CACNA1B: variants seen among roughly 807,000 people sequenced by gnomAD.
CACNA1B encodes calcium voltage-gated channel subunit alpha1 B.
Under a neutral mutation model 247.2 loss-of-function variants are expected in CACNA1B, and 70 were observed. The observed-to-expected ratio is 0.28, with a 90% confidence interval of 0.23 to 0.35. The LOEUF is 0.35. Ranked by LOEUF, CACNA1B falls within the 10% of genes least tolerant of loss-of-function variation. The probability of loss-of-function intolerance (pLI) is 1.00; values close to 1 mark genes in which losing one functional copy is unlikely to be tolerated. For synonymous variants in CACNA1B, 1,231 were observed against 1,294.4 expected, an observed-to-expected ratio of 0.95 and a Z score of 1.05; for missense variants, 2,367 against 3,197.4, an observed-to-expected ratio of 0.74 and a Z score of 6.26.
intron 23 of CACNA1B, among the ~76,000 whole-genome samples, chr9:138,048,914 C>T (rs1240748049): frequency 2.0e-5 from 3 of 152,198 alleles, no homozygotes; most frequent in Non-Finnish European, 2.9e-5. Flanking sequence ...GATGGGGTTT[C>T]ACCTTGTTGT....
Position 137,986,107 on chromosome 9 carries a change from G to C in CACNA1B, c.1770-306G>C, listed in dbSNP as rs930095771. Among the ~76,000 whole-genome samples the C allele has an allele frequency of 6.6e-6, 1 of 152,174 alleles. No individual in the cohort carries two copies. Among genetic ancestry groups the C allele is most frequent in the Non-Finnish European group, 1.5e-5 (1 of 68,022 alleles). ...GGGGCAGGGAGGGGCCGAGGATGAA[G>C]TTTGGGATTGGGCCTGGCCACCTGG... On this transcript the variant is annotated intron_variant, in intron 13 of 46. Coordinates refer to ENST00000371372, the MANE Select transcript of CACNA1B (RefSeq NM_000718.4). The surrounding 1 kb of genome is among the most constrained non-coding windows in gnomAD (Gnocchi z 6.0).
At position 138,059,820 on chromosome 9, in the gene CACNA1B, C is replaced by T. The variant is rs1046910944; in HGVS notation, c.4668+83C>T. Reference sequence around the variant, plus strand: ...GCTCCCCTCAGTGCATCTCCAGGCCCTGTGTTAGCCTCTTCCTGGGTTCCG... The same window carrying T: ...GCTCCCCTCAGTGCATCTCCAGGCCTTGTGTTAGCCTCTTCCTGGGTTCCG... On this transcript the variant is annotated intron_variant, in intron 31 of 46. Coordinates refer to ENST00000371372, the MANE Select transcript of CACNA1B (RefSeq NM_000718.4). The surrounding 1 kb of genome is among the most constrained non-coding windows in gnomAD (Gnocchi z 4.2). 2.5e-6 allele frequency: 2 copies of T among 791,908 alleles called. No individual in the cohort carries two copies. 49.1% of individuals were successfully genotyped at this position (791,908 alleles called of 1,614,324 possible).
chr9:137,956,515 G>A (rs1420270375), intron 8 of CACNA1B, among the ~76,000 whole-genome samples: 1 of 152,120 alleles, frequency 6.6e-6, no homozygotes, highest in African/African-American at 2.4e-5. Context: ...AAAATTAGCC[G>A]GGCATGGTAG....
At chr9:137,945,670 A>G (rs1450631323) in intron 6 of CACNA1B, among the ~76,000 whole-genome samples, 4 of 152,222 alleles carry the variant, frequency 2.6e-5, no homozygotes, top group Non-Finnish European at 4.4e-5. Flanking sequence ...TTTTTCCTAT[A>G]CCACTTAAAA....
rs150496046 is a variant in CACNA1B at position 137,954,856 on chromosome 9, T to TTGTGTGTGTGTGTGTGTGTG, written c.1071-837_1071-818dup. ...ACACCCACTCCACCAACTCAGAAGCTTGTGTGTGTGTGTGTGTGTGTGTGA... is the reference window on the plus strand; with the variant it reads ...ACACCCACTCCACCAACTCAGAAGCTTGTGTGTGTGTGTGTGTGTGTGTGTGTGTGTGTGTGTGTGTGTGA... On this transcript the variant is annotated intron_variant, in intron 7 of 46. Coordinates refer to ENST00000371372, the MANE Select transcript of CACNA1B (RefSeq NM_000718.4). The surrounding 1 kb of genome is among the most constrained non-coding windows in gnomAD (Gnocchi z 4.1). 0.025 allele frequency among the ~76,000 whole-genome samples: 3,024 copies of TTGTGTGTGTGTGTGTGTGTG among 120,202 alleles called. 112 individuals carry two copies. Among genetic ancestry groups the TTGTGTGTGTGTGTGTGTGTG allele is most frequent in the African/African-American group, 0.087 (2,169 of 24,900 alleles). 78.9% of individuals were successfully genotyped at this position (120,202 alleles called of 152,430 possible). A position where few individuals can be genotyped will look rare whatever the true frequency, so the allele number is the denominator to read the frequency against.
intron 6 of CACNA1B, among the ~76,000 whole-genome samples, chr9:137,943,962 C>G (rs902318287): frequency 6.6e-6 from 1 of 152,300 alleles, no homozygotes; most frequent in Non-Finnish European, 1.5e-5. Context: ...CAGTGGAATA[C>G]TGAGTTGGTC....
intron 12 of CACNA1B, among the ~76,000 whole-genome samples, chr9:137,976,790 T>A (rs1367113326): frequency 8.4e-6 from 1 of 119,700 alleles, no homozygotes; most frequent in Admixed American, 7.9e-5. Context: ...GTCTGAGAAT[T>A]ACCAACTTAT....
rs117354681 is a variant in CACNA1B, at chr9:137,892,526, C to T, written c.530+9643C>T. 97 of 371,622 alleles carry T rather than the reference C, an allele frequency of 2.6e-4. No individual in the cohort carries two copies. In the East Asian group the frequency reaches 6.4e-3, roughly 24 times the overall value. 23.0% of individuals were successfully genotyped at this position (371,622 alleles called of 1,614,324 possible). A position where few individuals can be genotyped will look rare whatever the true frequency, so the allele number is the denominator to read the frequency against. ...TCCTCTGACTGTGGGTCCTTTCTCA[C>T]GCTTCTCTGTCATCAGCCTCTGGGC... is the stretch of plus-strand genomic sequence containing the variant. On this transcript the variant is annotated intron_variant, in intron 3 of 46. Transcript: ENST00000371372.
chr9:137,923,745 C>G (rs1222929974), intron 6 of CACNA1B, among the ~76,000 whole-genome samples: 1 of 152,216 alleles, frequency 6.6e-6, no homozygotes, highest in Non-Finnish European at 1.5e-5. Flanking sequence ...GGGCTACACT[C>G]TTTTACATTT....
intron 6 of CACNA1B, among the ~76,000 whole-genome samples, chr9:137,933,682 T>G (rs1466444069): frequency 1.3e-5 from 2 of 152,220 alleles, no homozygotes; most frequent in African/African-American, 4.8e-5. Context: ...GCAGTATATT[T>G]AGATGATGAT....
At chr9:137,930,637 C>T (rs557981449) in intron 6 of CACNA1B, among the ~76,000 whole-genome samples, 2 of 152,214 alleles carry the variant, frequency 1.3e-5, no homozygotes, top group Admixed American at 6.5e-5. Context: ...TCTTTTATAT[C>T]CTTGCTGGTT....
intron 21 of CACNA1B, among the ~76,000 whole-genome samples, chr9:138,045,313 C>T (rs374633686): frequency 2.1e-4 from 32 of 152,130 alleles, no homozygotes; most frequent in African/African-American, 7.2e-4. Context: ...ACTCGGATTG[C>T]AGCCCAGCAG....
At chr9:137,902,764 AC>A (rs902313900) in intron 3 of CACNA1B, among the ~76,000 whole-genome samples, 4 of 151,744 alleles carry the variant, frequency 2.6e-5, no homozygotes, top group Admixed American at 6.6e-5. Context: ...TACTGCGGGC[AC>A]CCCCCTCCTG....
chr9:138,119,137 A>G (rs1335179958), intron 44 of CACNA1B, among the ~76,000 whole-genome samples: 2 of 151,838 alleles, frequency 1.3e-5, no homozygotes, highest in Non-Finnish European at 1.5e-5. Context: ...CCCCACTCTC[A>G]TCCAGAAAAT....
chr9:137,990,054 A>G lies in CACNA1B; in HGVS notation c.1974+3200A>G, dbSNP rs987529544. Among the ~76,000 whole-genome samples the G allele has an allele frequency of 2.0e-5, 3 of 152,108 alleles. No individual in the cohort carries two copies. The highest frequency in any genetic ancestry group is 7.2e-5 in the African/African-American group (3 of 41,418). On this transcript the variant is annotated intron_variant, in intron 15 of 46. Coordinates refer to ENST00000371372, the MANE Select transcript of CACNA1B (RefSeq NM_000718.4). The surrounding 1 kb of genome is among the most constrained non-coding windows in gnomAD (Gnocchi z 4.5). ...CACGGGAAGTTCTTGGAACTACCACAGGCAAGTTCTCAGCCCTGGGCACTG... is the reference window on the plus strand; with the variant it reads ...CACGGGAAGTTCTTGGAACTACCACGGGCAAGTTCTCAGCCCTGGGCACTG...
chr9:138,114,613 T>G (rs1961789947), intron 41 of CACNA1B, 123 bp downstream of exon 41: 1 of 615,928 alleles, frequency 1.6e-6, no homozygotes, highest in Non-Finnish European at 2.9e-6. Context: ...AGAAGGAAGA[T>G]GAAAGATTCT....
chr9:138,046,150 G>A (rs7849670), intron 21 of CACNA1B, among the ~76,000 whole-genome samples: 153 of 152,322 alleles, frequency 1.0e-3, no homozygotes, highest in Non-Finnish European at 1.5e-3. Context: ...CTGCTTCCTG[G>A]TGTTTTGACT....
chr9:138,097,582 C>T lies in CACNA1B; in HGVS notation c.5222+971C>T, dbSNP rs149701305. 2.4e-3 allele frequency among the ~76,000 whole-genome samples: 371 copies of T among 152,284 alleles called. 3 individuals are homozygous for T. The highest frequency in any genetic ancestry group is 8.2e-3 in the African/African-American group (342 of 41,550). On this transcript the variant is annotated intron_variant, in intron 37 of 46. Transcript: ENST00000371372. ...TCACAGCGTGTGCCCGGGAAATGAT[C>T]GTGGATGAGCAGCTCTCAGTGAGTG...
intron 36 of CACNA1B, among the ~76,000 whole-genome samples, chr9:138,079,783 G>A (rs1046346101): frequency 4.0e-5 from 6 of 149,910 alleles, no homozygotes; most frequent in Middle Eastern, 3.4e-3. Flanking sequence ...GCTGAGACAG[G>A]AGACTCGCTA....
Sources: allele counts gnomAD v4.1 joint callset (sites outside exome capture counted in the v4.1 genomes callset), GRCh38; gene constraint gnomAD v4.1.1; non-coding constraint Gnocchi (gnomAD v3.1); transcripts MANE v1.5; gene names NCBI Gene and HGNC (gene_info 2026-07-23, HGNC 2026-07-21).